The following CCDC102B variants were observed in gnomAD, a reference collection of about 807,000 sequenced individuals.
CCDC102B encodes coiled-coil domain-containing protein 102B.
A neutral mutation model predicts 57.4 loss-of-function variants in CCDC102B; 75 were observed. That is an observed-to-expected ratio of 1.31 (90% CI 1.08 to 1.58). The LOEUF (loss-of-function observed/expected upper bound fraction) is 1.58, where lower values mean the gene tolerates loss of function less well. Among genes scored for constraint, CCDC102B ranks in the 40% most tolerant of loss-of-function variants. The pLI is 0.00. For synonymous variants in CCDC102B, 206 were observed against 201.9 expected (o/e 1.02, Z -0.17); for missense variants, 636 against 582.6 (o/e 1.09, Z -0.94).
intron 6 of CCDC102B, among the ~76,000 whole-genome samples, chr18:68,998,997 T>G (rs956986123): frequency 0.067 from 2,020 of 30,244 alleles, 37 homozygotes; most frequent in African/African-American, 0.14. Flanking sequence ...TATATATATA[T>G]ATAGAGAGAG....
chr18:68,716,861 G>A (rs540787728), intron 2 of CCDC102B, among the ~76,000 whole-genome samples: 285 of 152,114 alleles, frequency 1.9e-3, no homozygotes, highest in African/African-American at 6.6e-3. Context: ...GGTGGATCAC[G>A]AGGTCAAGAG....
chr18:68,759,635 A>G (rs1420708813), intron 2 of CCDC102B, among the ~76,000 whole-genome samples: 2 of 152,138 alleles, frequency 1.3e-5, no homozygotes, highest in African/African-American at 2.4e-5. Flanking sequence ...AGGGGTTTGT[A>G]CAAACTAAAA....
intron 2 of CCDC102B, among the ~76,000 whole-genome samples, chr18:68,762,814 G>A (rs771522191): frequency 2.8e-4 from 43 of 152,210 alleles, no homozygotes; most frequent in East Asian, 7.7e-4. Context: ...TTGAAAAGGC[G>A]TTAAATTTGT....
chr18:68,769,975 G>A (rs1006625176), intron 2 of CCDC102B, among the ~76,000 whole-genome samples: 2 of 152,196 alleles, frequency 1.3e-5, no homozygotes, highest in African/African-American at 4.8e-5. Flanking sequence ...TGCAGTAAGG[G>A]AGTATTCCAG....
intron 7 of CCDC102B, among the ~76,000 whole-genome samples, chr18:69,036,602 C>A (rs990477237): frequency 1.3e-5 from 2 of 151,996 alleles, no homozygotes; most frequent in Non-Finnish European, 2.9e-5. Context: ...GCCTAACCAG[C>A]ATTCATTTGT....
At chr18:68,909,293 GA>G (rs141791776) in intron 6 of CCDC102B, among the ~76,000 whole-genome samples, 3,416 of 152,092 alleles carry the variant, frequency 0.022, 96 homozygotes, top group African/African-American at 0.067. Flanking sequence ...AAATTAAAAG[GA>G]AAAAAATAAC....
At chr18:68,837,936 A>G (rs1361492667) in intron 2 of CCDC102B, among the ~76,000 whole-genome samples, 1 of 152,260 alleles carries the variant, frequency 6.6e-6, no homozygotes, top group African/African-American at 2.4e-5. Flanking sequence ...TAAGGAATGA[A>G]TCATCCTAGG....
chr18:68,723,980 C>G (rs1001861718), intron 2 of CCDC102B, among the ~76,000 whole-genome samples: 1 of 152,224 alleles, frequency 6.6e-6, no homozygotes, highest in Non-Finnish European at 1.5e-5. Flanking sequence ...CCTGGACATC[C>G]AGGCATTTCC....
At chr18:69,036,788 G>C (rs2052304015) in intron 7 of CCDC102B, among the ~76,000 whole-genome samples, 1 of 151,982 alleles carries the variant, frequency 6.6e-6, no homozygotes, top group African/African-American at 2.4e-5. Context: ...GGGTACAAGT[G>C]GCAGTATTAA....
At chr18:68,975,926 TG>T (rs1389983940) in intron 6 of CCDC102B, among the ~76,000 whole-genome samples, 2 of 151,700 alleles carry the variant, frequency 1.3e-5, no homozygotes, top group Non-Finnish European at 2.9e-5. Flanking sequence ...TTCTTACTCC[TG>T]GGGATAATTA....
rs188875854 is a variant in CCDC102B at position 68,830,126 on chromosome 18, C to T, written c.-15-6623C>T. On this transcript the variant is annotated intron_variant, in intron 1 of 7. Transcript: ENST00000360242. ...TTTCCTTTTAACATTTTAGCATTTCCGGAAACAGTTACATTGTCATCTTTG... is the reference window on the plus strand; with the variant it reads ...TTTCCTTTTAACATTTTAGCATTTCTGGAAACAGTTACATTGTCATCTTTG... Among the ~76,000 whole-genome samples, 210 of 151,892 alleles carry T rather than the reference C, an allele frequency of 1.4e-3. 4 individuals are homozygous for T. The highest frequency in any genetic ancestry group is 2.7e-3 in the Non-Finnish European group (185 of 67,816).
intron 2 of CCDC102B, among the ~76,000 whole-genome samples, chr18:68,749,938 A>G (rs538990857): frequency 3.1e-4 from 47 of 152,350 alleles, no homozygotes; most frequent in Non-Finnish European, 5.7e-4. Flanking sequence ...GTGGGATCTA[A>G]TTAAACTAAA....
At chr18:68,985,955 A>G (rs1160712497) in intron 6 of CCDC102B, among the ~76,000 whole-genome samples, 1 of 152,162 alleles carries the variant, frequency 6.6e-6, no homozygotes, top group African/African-American at 2.4e-5. Flanking sequence ...CATGGCAAAG[A>G]CCATGAGAAA....
At chr18:68,815,771 ATGT>A (rs1255216325) in intron 1 of CCDC102B, among the ~76,000 whole-genome samples, 21 of 151,842 alleles carry the variant, frequency 1.4e-4, no homozygotes, top group African/African-American at 5.1e-4. Flanking sequence ...TAGATATAAG[ATGT>A]ATGTATTTTT....
At chr18:68,796,057 T>TA (rs1167676870), upstream of CCDC102B, among the ~76,000 whole-genome samples, 5 of 152,210 alleles carry the variant, frequency 3.3e-5, no homozygotes, top group East Asian at 7.7e-4. Context: ...ACAAAAAGAT[T>TA]AAAAAACCTT....
chr18:68,781,091 ATTG>A, intron 2 of CCDC102B, among the ~76,000 whole-genome samples: 1 of 152,188 alleles, frequency 6.6e-6, no homozygotes. Context: ...ATCATCTGTA[ATTG>A]TTGTTAGTAA....
At chr18:68,907,064 T>A (rs1599669453) in intron 6 of CCDC102B, among the ~76,000 whole-genome samples, 1 of 152,310 alleles carries the variant, frequency 6.6e-6, no homozygotes, top group East Asian at 1.9e-4. Flanking sequence ...AAGAGACTAT[T>A]TTTTTCTGCC....
At chr18:69,056,300 G>T (rs1216235173), downstream of CCDC102B, among the ~76,000 whole-genome samples, 1 of 152,002 alleles carries the variant, frequency 6.6e-6, no homozygotes, top group Non-Finnish European at 1.5e-5. Flanking sequence ...GTATCTTGGT[G>T]TGCAACAATC....
rs57226048 is a variant in CCDC102B, at chr18:69,022,193, C to CTATATATATATATATA, written c.1434+11104_1434+11119dup. ...TTTATTAGACCCATTATCCTTTAGC[C>CTATATATATATATATA]TATATATATATATATATATATATAT... On this transcript the variant is annotated intron_variant, in intron 7 of 7. Coordinates refer to ENST00000360242, the MANE Select transcript of CCDC102B (RefSeq NM_024781.3). 1.9e-3 allele frequency among the ~76,000 whole-genome samples: 271 copies of CTATATATATATATATA among 141,924 alleles called. 3 individuals are homozygous for CTATATATATATATATA. The highest frequency in any genetic ancestry group is 7.5e-3 in the African/African-American group (261 of 34,852). The allele number at this position is 141,924 out of a possible 152,430, so 93.1% of individuals were successfully genotyped here. A position where few individuals can be genotyped will look rare whatever the true frequency, so the allele number is the denominator to read the frequency against.
Sources: allele counts gnomAD v4.1 joint callset (sites outside exome capture counted in the v4.1 genomes callset), GRCh38; gene constraint gnomAD v4.1.1; transcripts MANE v1.5; gene names NCBI Gene and HGNC (gene_info 2026-07-23, HGNC 2026-07-21).